RPRD1B: variants seen among roughly 807,000 people sequenced by gnomAD.
RPRD1B encodes the protein regulation of nuclear pre-mRNA domain-containing protein 1B.
In RPRD1B, 11 loss-of-function variants were observed where a neutral mutation model predicts 41.5. The ratio of observed to expected loss-of-function variants is 0.27; its 90% CI spans 0.17 to 0.44. The LOEUF is 0.44. Ranked by LOEUF, RPRD1B falls within the 20% of genes least tolerant of loss-of-function variation. The pLI is 1.00. For missense variants in RPRD1B, 248 were observed against 389.9 expected (o/e 0.64, Z 3.06); for synonymous variants, 158 against 155.6 (o/e 1.02, Z -0.12).
At chr20:38,070,545 C>G in intron 6 of RPRD1B, 1 of 985,416 alleles carries the variant, frequency 1.0e-6, no homozygotes, top group Non-Finnish European at 1.2e-6. Context: ...CTGCTCAAAG[C>G]TCATAAGACA....
At chr20:38,049,727 T>G in intron 3 of RPRD1B, 1 of 471,198 alleles carries the variant, frequency 2.1e-6, no homozygotes, top group South Asian at 1.5e-5. Flanking sequence ...TCTGGTTAGT[T>G]GTGGTTTAAT....
chr20:38,064,905 G>A (rs927225381), intron 5 of RPRD1B, among the ~76,000 whole-genome samples: 29 of 151,810 alleles, frequency 1.9e-4, no homozygotes, highest in Non-Finnish European at 3.7e-4. Context: ...AGAATGGCAT[G>A]AACCTGGGAG....
intron 6 of RPRD1B, among the ~76,000 whole-genome samples, chr20:38,072,957 G>A (rs1206808944): frequency 6.6e-6 from 1 of 152,208 alleles, no homozygotes; most frequent in Non-Finnish European, 1.5e-5. Context: ...GAGCTGGACA[G>A]AACCTTAGAG....
At chr20:38,058,852 A>T (rs146759649) in intron 4 of RPRD1B, among the ~76,000 whole-genome samples, 2 of 152,194 alleles carry the variant, frequency 1.3e-5, no homozygotes, top group Admixed American at 1.3e-4. Context: ...GACTATAGAC[A>T]TATGCCACCA....
intron 6 of RPRD1B, among the ~76,000 whole-genome samples, chr20:38,086,437 A>G (rs1272516526): frequency 6.6e-6 from 1 of 152,208 alleles, no homozygotes; most frequent in Non-Finnish European, 1.5e-5. Context: ...ATACCCGGTT[A>G]TCCTTGCCAA....
chr20:38,082,266 A>G (rs1003737865), intron 6 of RPRD1B, among the ~76,000 whole-genome samples: 1 of 152,072 alleles, frequency 6.6e-6, no homozygotes, highest in African/African-American at 2.4e-5. Flanking sequence ...CAGGGTTTCA[A>G]TTCCTTCCTG....
intron 6 of RPRD1B, 132 bp from the exon 7 acceptor site, chr20:38,089,594 A>G: frequency 1.5e-6 from 1 of 686,162 alleles, no homozygotes; most frequent in South Asian, 2.2e-5. Context: ...TTTGTGATAT[A>G]GCTGAACAGG....
chr20:38,035,786 T>TG (rs2073997250), intron 1 of RPRD1B, among the ~76,000 whole-genome samples: 1 of 150,678 alleles, frequency 6.6e-6, no homozygotes, highest in Admixed American at 6.6e-5. Flanking sequence ...TTTTTTGAGA[T>TG]GGGGGTCTCG....
chr20:38,075,318 T>TACA (rs1295104385), intron 6 of RPRD1B, among the ~76,000 whole-genome samples: 13 of 152,266 alleles, frequency 8.5e-5, no homozygotes, highest in African/African-American at 3.1e-4. Context: ...GATTAGTCTT[T>TACA]TGTTTTATGA....
chr20:38,086,696 G>A (rs573440085), intron 6 of RPRD1B, among the ~76,000 whole-genome samples: 1 of 152,140 alleles, frequency 6.6e-6, no homozygotes, highest in Non-Finnish European at 1.5e-5. Context: ...TCTTTCTCTA[G>A]TGATTCCTTC....
chr20:38,092,235 A>C lies in RPRD1B; in HGVS notation c.*2360A>C. On this transcript the variant is annotated 3_prime_UTR_variant, in exon 7 of 7. Coordinates refer to ENST00000373433, the MANE Select transcript of RPRD1B (RefSeq NM_021215.4). ...TGTTTGTTTGTTTTTCTTAAAGAAT[A>C]TTTTCAAAGCTTAAATTTGTATATT... The C allele has an allele frequency of 2.0e-6, 2 of 985,090 alleles. No homozygotes were observed. Among genetic ancestry groups the C allele is most frequent in the Non-Finnish European group, 2.4e-6 (2 of 829,312 alleles). 61.0% of individuals were successfully genotyped at this position (985,090 alleles called of 1,614,324 possible).
chr20:38,088,232 A>G (rs754455443), intron 6 of RPRD1B, among the ~76,000 whole-genome samples: 63 of 152,280 alleles, frequency 4.1e-4, no homozygotes, highest in Non-Finnish European at 7.6e-4. Context: ...TGAACTAAGT[A>G]TTCTCCATTT....
intron 2 of RPRD1B, among the ~76,000 whole-genome samples, chr20:38,044,642 G>A (rs529189878): frequency 8.5e-5 from 13 of 152,162 alleles, no homozygotes; most frequent in Admixed American, 7.2e-4. Context: ...TCAAAGTGCT[G>A]GGATTACAGG....
intron 3 of RPRD1B, among the ~76,000 whole-genome samples, chr20:38,049,367 CTTTTTTT>C (rs11481142): frequency 3.2e-5 from 3 of 93,424 alleles, no homozygotes; most frequent in Non-Finnish European, 4.2e-5. Context: ...TTCTTTTTTT[CTTTTTTT>C]TTTTTTTTTT....
chr20:38,065,783 C>CT, intron 5 of RPRD1B: 1 of 243,296 alleles, frequency 4.1e-6, no homozygotes, highest in South Asian at 1.2e-4. Flanking sequence ...TTCAATATCT[C>CT]TTTATGCTTG....
chr20:38,048,048 T>C (rs1369739538), intron 2 of RPRD1B, among the ~76,000 whole-genome samples: 3 of 152,046 alleles, frequency 2.0e-5, no homozygotes, highest in Non-Finnish European at 4.4e-5. Context: ...AACGTCTTCT[T>C]AAAAAGCAAG....
At chr20:38,060,915 G>T (rs780331787) in intron 5 of RPRD1B, among the ~76,000 whole-genome samples, 13 of 151,664 alleles carry the variant, frequency 8.6e-5, no homozygotes, top group East Asian at 3.9e-4. Flanking sequence ...TAGTCTCCTG[G>T]CAAAATCCCT....
chr20:38,070,819 C>T (rs1043315678), intron 6 of RPRD1B: 1 of 781,068 alleles, frequency 1.3e-6, no homozygotes, highest in Non-Finnish European at 1.5e-6. Context: ...GAGCTCACTG[C>T]CTCCCGGGTT....
intron 1 of RPRD1B, 110 bp downstream of exon 1, chr20:38,034,208 C>G: frequency 8.1e-7 from 1 of 1,231,056 alleles, no homozygotes; most frequent in Non-Finnish European, 1.1e-6. Context: ...CAGGCCTGAT[C>G]GAGCTTCTGA....
Sources: allele counts gnomAD v4.1 joint callset (sites outside exome capture counted in the v4.1 genomes callset), GRCh38; gene constraint gnomAD v4.1.1; transcripts MANE v1.5; gene names NCBI Gene and HGNC (gene_info 2026-07-23, HGNC 2026-07-21).